CA10: variants seen among roughly 807,000 people sequenced by gnomAD.
The protein encoded by CA10 is carbonic anhydrase-related protein 10.
In CA10, 14 loss-of-function variants were observed where a neutral mutation model predicts 44.2. The observed-to-expected ratio is 0.32, with a 90% CI of 0.21 to 0.50. CA10 has a LOEUF of 0.50. Among genes scored for constraint, CA10 ranks in the 20% least tolerant of loss-of-function variants. CA10 has a pLI of 0.99. For missense variants in CA10, 350 were observed against 409.7 expected (o/e 0.85, Z 1.26); for synonymous variants, 159 against 141.6 (o/e 1.12, Z -0.87).
At chr17:52,032,661 A>T (rs574849702) in intron 2 of CA10, among the ~76,000 whole-genome samples, 1 of 152,274 alleles carries the variant, frequency 6.6e-6, no homozygotes, top group South Asian at 2.1e-4. Flanking sequence ...ATAAAATATG[A>T]CTGGAAACCT....
At chr17:52,058,011 T>C (rs2080066587) in intron 2 of CA10, among the ~76,000 whole-genome samples, 1 of 152,034 alleles carries the variant, frequency 6.6e-6, no homozygotes. Context: ...GAAGGATTGG[T>C]ACAAAAGCCT....
intron 4 of CA10, among the ~76,000 whole-genome samples, chr17:51,686,484 T>C (rs973050426): frequency 5.9e-5 from 9 of 152,166 alleles, no homozygotes; most frequent in African/African-American, 2.2e-4. Flanking sequence ...AATTGACCTC[T>C]CCCTAGCTTA....
chr17:51,981,976 G>C (rs957171556), intron 2 of CA10, among the ~76,000 whole-genome samples: 1 of 151,942 alleles, frequency 6.6e-6, no homozygotes, highest in African/African-American at 2.4e-5. Context: ...TAATATATGA[G>C]GGTATTAAGA....
chr17:51,633,798 T>G, intron 7 of CA10, 148 bp from the exon 8 acceptor site: 1 of 777,966 alleles, frequency 1.3e-6, no homozygotes, highest in African/African-American at 1.7e-5. Context: ...CTTTTTTCCA[T>G]GGGTTCAGTT....
chr17:51,771,321 T>C (rs1451783703), intron 3 of CA10, among the ~76,000 whole-genome samples: 2 of 152,048 alleles, frequency 1.3e-5, no homozygotes, highest in Non-Finnish European at 2.9e-5. Flanking sequence ...TCACTAATGT[T>C]ACACTTGTTT....
Position 51,779,289 on chromosome 17 carries a change from A to G in CA10, c.280-31471T>C, listed in dbSNP as rs1213611628. ...CCAGATGGAATTCTGGCCACAAGTT[A>G]TCAGGTTGCAGATGAATAGTGAATA... On this transcript the variant is annotated intron_variant, in intron 3 of 8. Coordinates refer to ENST00000451037, the MANE Select transcript of CA10 (RefSeq NM_020178.5). Among the ~76,000 whole-genome samples the G allele has an allele frequency of 3.3e-5, 5 of 152,190 alleles. No individual in the cohort carries two copies. In the South Asian group the frequency reaches 8.3e-4, roughly 25 times the overall value.
intron 4 of CA10, among the ~76,000 whole-genome samples, chr17:51,657,062 G>C (rs978135012): frequency 6.6e-6 from 1 of 152,146 alleles, no homozygotes; most frequent in Non-Finnish European, 1.5e-5. Context: ...TGGAGGTTGG[G>C]GGGTATTTAA....
chr17:51,780,842 C>T (rs1174015315), intron 3 of CA10, among the ~76,000 whole-genome samples: 1 of 152,206 alleles, frequency 6.6e-6, no homozygotes, highest in African/African-American at 2.4e-5. Flanking sequence ...TGTCAGCAAA[C>T]ATTTTCCGTG....
chr17:51,809,917 G>A (rs1428792140), intron 3 of CA10, among the ~76,000 whole-genome samples: 2 of 152,198 alleles, frequency 1.3e-5, no homozygotes, highest in Admixed American at 6.5e-5. Context: ...TGATTCCTCA[G>A]ATATTCATTA....
At chr17:51,851,994 A>T (rs1263092758) in intron 3 of CA10, among the ~76,000 whole-genome samples, 1 of 152,198 alleles carries the variant, frequency 6.6e-6, no homozygotes, top group Non-Finnish European at 1.5e-5. Context: ...AGAAGTCCAC[A>T]CATAATAAAG....
chr17:52,130,454 A>C lies in CA10; in HGVS notation c.61+27272T>G, dbSNP rs141848692. On this transcript the variant is annotated intron_variant, in intron 1 of 8. Transcript: ENST00000451037. ...AAAGAAATGTGGTATACACACAAAT[A>C]GAATACTATCCAGCCTTAAAATAGA... Among the ~76,000 whole-genome samples, 11 of 152,348 alleles carry C rather than the reference A, an allele frequency of 7.2e-5. No homozygotes were observed. The East Asian group carries it at 2.1e-3, about 29-fold the overall frequency.
intron 4 of CA10, among the ~76,000 whole-genome samples, chr17:51,694,855 A>C (rs547381002): frequency 1.3e-5 from 2 of 152,316 alleles, no homozygotes; most frequent in South Asian, 4.1e-4. Context: ...GTAGGGGTCC[A>C]GTTTCATTCT....
chr17:51,987,116 C>A (rs1984868317), intron 2 of CA10, among the ~76,000 whole-genome samples: 1 of 152,036 alleles, frequency 6.6e-6, no homozygotes, highest in South Asian at 2.1e-4. Flanking sequence ...AAATGCCCAT[C>A]AATCAATGAG....
chr17:52,112,876 A>T (rs974309801), intron 1 of CA10, among the ~76,000 whole-genome samples: 1 of 152,314 alleles, frequency 6.6e-6, no homozygotes, highest in South Asian at 2.1e-4. Context: ...TTCTGAATGC[A>T]CATAGATACT....
intron 4 of CA10, among the ~76,000 whole-genome samples, chr17:51,736,115 T>C (rs8074550): frequency 6.6e-6 from 1 of 151,996 alleles, no homozygotes; most frequent in Admixed American, 6.6e-5. Flanking sequence ...CCCTGTAGAA[T>C]GGACATCACT....
At chr17:52,061,417 AGT>A (rs1283443534) in intron 2 of CA10, among the ~76,000 whole-genome samples, 1 of 152,184 alleles carries the variant, frequency 6.6e-6, no homozygotes, top group Non-Finnish European at 1.5e-5. Context: ...CCTTGATTTT[AGT>A]GTGTCCAACT....
At chr17:51,809,035 A>C (rs1247826596) in intron 3 of CA10, among the ~76,000 whole-genome samples, 5 of 152,226 alleles carry the variant, frequency 3.3e-5, no homozygotes. Flanking sequence ...AGTAAACTGA[A>C]GTTTATTAAG....
intron 2 of CA10, among the ~76,000 whole-genome samples, chr17:52,063,789 T>A (rs1220689092): frequency 6.6e-6 from 1 of 152,128 alleles, no homozygotes; most frequent in Non-Finnish European, 1.5e-5. Context: ...ATCTCAAAAT[T>A]CTTTATGAAT....
intron 4 of CA10, among the ~76,000 whole-genome samples, chr17:51,666,159 T>C (rs1445053101): frequency 6.6e-6 from 1 of 152,226 alleles, no homozygotes; most frequent in African/African-American, 2.4e-5. Context: ...TGCCAGGCAC[T>C]GTGCTGGGCA....
Sources: gnomAD v4.1 joint callset for allele counts (sites outside exome capture counted in the v4.1 genomes callset) on GRCh38, gnomAD v4.1.1 for gene constraint, MANE v1.5 for transcripts, NCBI Gene and HGNC (gene_info 2026-07-23, HGNC 2026-07-21) for gene names.